Variants in GLDC observed in about 807,000 individuals in gnomAD.
GLDC encodes the protein glycine dehydrogenase (decarboxylating), mitochondrial.
In GLDC, 104 loss-of-function variants were observed where a neutral mutation model predicts 121.3. The ratio of observed to expected loss-of-function variants is 0.86; its 90% CI spans 0.73 to 1.01. GLDC has a LOEUF of 1.01. Among genes scored for constraint, GLDC ranks in the 50% least tolerant of loss-of-function variants. The pLI is 0.00. For synonymous variants in GLDC, 546 were observed against 480.6 expected, an observed-to-expected ratio of 1.14 and a Z score of -1.78; for missense variants, 1,429 against 1,306.6, an observed-to-expected ratio of 1.09 and a Z score of -1.44.
chr9:6,550,022 G>A (rs1018032676), intron 21 of GLDC, among the ~76,000 whole-genome samples: 3 of 152,080 alleles, frequency 2.0e-5, no homozygotes, highest in Admixed American at 6.5e-5. Context: ...CTTCACTCCA[G>A]ACCAGAGAGC....
In GLDC at chr9:6,563,471, C is replaced by T. The variant is rs900863437; in HGVS notation, c.1926+1883G>A. Among the ~76,000 whole-genome samples the T allele has an allele frequency of 5.8e-4, 88 of 152,230 alleles. 1 individual carries two copies. Among genetic ancestry groups the T allele is most frequent in the African/African-American group, 1.9e-3 (79 of 41,546 alleles). Reference sequence around the variant, plus strand: ...AGCATCCCCAGGCTCCTGGGCACCTCGTGGTGAAAGATACTAATGAAGAGG... The same window carrying T: ...AGCATCCCCAGGCTCCTGGGCACCTTGTGGTGAAAGATACTAATGAAGAGG... On this transcript the variant is annotated intron_variant, in intron 16 of 24. Coordinates refer to ENST00000321612, the MANE Select transcript of GLDC (RefSeq NM_000170.3).
chr9:6,636,105 C>G (rs1018047478), intron 2 of GLDC, among the ~76,000 whole-genome samples: 16 of 151,900 alleles, frequency 1.1e-4, no homozygotes, highest in African/African-American at 3.9e-4. Context: ...GAGTTCAAGA[C>G]CAGCCTGGCT....
chr9:6,603,576 C>G (rs1818664316), intron 7 of GLDC, among the ~76,000 whole-genome samples: 2 of 151,986 alleles, frequency 1.3e-5, no homozygotes, highest in Non-Finnish European at 2.9e-5. Context: ...AAAAAACACA[C>G]TTCACATTAT....
chr9:6,600,014 G>C (rs2129878256), intron 8 of GLDC, among the ~76,000 whole-genome samples: 1 of 152,246 alleles, frequency 6.6e-6, no homozygotes, highest in African/African-American at 2.4e-5. Context: ...AGACGAAAGA[G>C]CACTCTACCT....
chr9:6,611,848 G>T (rs1396293971), intron 3 of GLDC, among the ~76,000 whole-genome samples: 7 of 152,006 alleles, frequency 4.6e-5, no homozygotes, highest in Non-Finnish European at 8.8e-5. Context: ...ATGTGTATGT[G>T]TTTCTACATG....
intron 16 of GLDC, among the ~76,000 whole-genome samples, chr9:6,561,574 G>A (rs573930870): frequency 1.9e-4 from 29 of 152,234 alleles, no homozygotes; most frequent in Non-Finnish European, 3.1e-4. Flanking sequence ...ACTTGAACCC[G>A]GGAGGCGGAG....
chr9:6,605,056 CAGAG>C (rs926294990), intron 6 of GLDC, 71 bp downstream of exon 6: 1 of 1,351,956 alleles, frequency 7.4e-7, no homozygotes, highest in East Asian at 2.3e-5. Context: ...CATGAAAAGA[CAGAG>C]AGAGAGATAG....
intron 3 of GLDC, among the ~76,000 whole-genome samples, chr9:6,618,934 G>T (rs926990606): frequency 1.3e-5 from 2 of 151,856 alleles, no homozygotes; most frequent in Non-Finnish European, 2.9e-5. Context: ...ATGAGGTCAG[G>T]AGTTCAAGAC....
chr9:6,610,374 G>C lies in GLDC; in HGVS notation c.471-18C>G, dbSNP rs768024835. ...GGGTGATCCTGCAAGGGAAACAAAA[G>C]GTCTTGTCCAAACTGACTGCTGTTT... is the stretch of plus-strand genomic sequence containing the variant. On this transcript the variant is annotated intron_variant, in intron 3 of 24. Transcript: ENST00000321612. 9 of 1,613,224 alleles carry C rather than the reference G, an allele frequency of 5.6e-6. No individual in the cohort carries two copies. Among genetic ancestry groups the C allele is most frequent in the Non-Finnish European group, 6.8e-6 (8 of 1,179,456 alleles).
At chr9:6,534,827 T>A in intron 23 of GLDC, 39 bp from the exon 24 acceptor site, 1 of 1,085,026 alleles carries the variant, frequency 9.2e-7, no homozygotes, top group Non-Finnish European at 1.4e-6. Flanking sequence ...GTCAGAGCAA[T>A]ACACTCTCTT....
chr9:6,593,019 C>G (rs751212361), intron 9 of GLDC, 29 bp from the exon 10 acceptor site: 2 of 1,613,158 alleles, frequency 1.2e-6, no homozygotes, highest in South Asian at 2.2e-5. Context: ...CCCCCAAACT[C>G]TCATATAGAA....
chr9:6,634,646 T>C (rs867187843), intron 2 of GLDC, among the ~76,000 whole-genome samples: 4 of 152,284 alleles, frequency 2.6e-5, no homozygotes, highest in Non-Finnish European at 4.4e-5. Context: ...TCATTCATTC[T>C]CTGGAGATAT....
At chr9:6,575,411 G>A (rs1264343697) in intron 15 of GLDC, among the ~76,000 whole-genome samples, 1 of 152,204 alleles carries the variant, frequency 6.6e-6, no homozygotes, top group African/African-American at 2.4e-5. Flanking sequence ...CAAACGAGCT[G>A]CCTCAGCATC....
intron 2 of GLDC, among the ~76,000 whole-genome samples, chr9:6,631,310 T>C (rs1819372783): frequency 6.6e-6 from 1 of 152,184 alleles, no homozygotes; most frequent in Non-Finnish European, 1.5e-5. Flanking sequence ...GACTCCTTGG[T>C]CCCTTGTCTC....
chr9:6,638,460 C>T (rs1819556067), intron 2 of GLDC, among the ~76,000 whole-genome samples: 1 of 152,068 alleles, frequency 6.6e-6, no homozygotes, highest in Non-Finnish European at 1.5e-5. Flanking sequence ...GATGATCCAC[C>T]CGCCTCGCCC....
intron 7 of GLDC, among the ~76,000 whole-genome samples, chr9:6,602,544 G>C (rs1340697582): frequency 6.6e-6 from 1 of 151,900 alleles, no homozygotes; most frequent in Non-Finnish European, 1.5e-5. Context: ...GTAGAGATGG[G>C]GTTTCACCAT....
At chr9:6,533,242 C>T (rs1817039012) in intron 24 of GLDC, 82 bp from the exon 25 acceptor site, 3 of 1,143,052 alleles carry the variant, frequency 2.6e-6, no homozygotes, top group Non-Finnish European at 4.0e-6. Context: ...ATGCTAGTCC[C>T]ACAACCTAAG....
chr9:6,625,192 C>T (rs1587976721), intron 2 of GLDC, among the ~76,000 whole-genome samples: 1 of 152,214 alleles, frequency 6.6e-6, no homozygotes, highest in East Asian at 1.9e-4. Flanking sequence ...GCAGCAGCCT[C>T]CCCAACAATC....
At chr9:6,593,270 T>G (rs547398428) in intron 9 of GLDC, among the ~76,000 whole-genome samples, 25 of 148,784 alleles carry the variant, frequency 1.7e-4, no homozygotes, top group Non-Finnish European at 3.6e-4. Context: ...TAGTATCAGA[T>G]ATATATATAT....
Sources: gnomAD v4.1 joint callset for allele counts (sites outside exome capture counted in the v4.1 genomes callset) on GRCh38, gnomAD v4.1.1 for gene constraint, MANE v1.5 for transcripts, NCBI Gene and HGNC (gene_info 2026-07-23, HGNC 2026-07-21) for gene names.